The following PPP2R2B variants were observed in gnomAD, a reference collection of about 807,000 sequenced individuals.
PPP2R2B encodes the protein protein phosphatase 2 regulatory subunit Bbeta.
PPP2R2B carries 5 observed loss-of-function variants against 46.0 expected under a neutral mutation model. The observed-to-expected ratio is 0.11, with a 90% CI of 0.06 to 0.23. PPP2R2B has a LOEUF of 0.23. Among genes scored for constraint, PPP2R2B ranks in the 10% least tolerant of loss-of-function variants. The pLI is 1.00. For synonymous variants in PPP2R2B, 215 were observed against 206.7 expected (o/e 1.04, Z -0.34); for missense variants, 367 against 575.0 (o/e 0.64, Z 3.70).
chr5:146,899,769 G>T (rs4505999), intron 1 of PPP2R2B, among the ~76,000 whole-genome samples: 34,630 of 152,044 alleles, frequency 0.23, 4,074 homozygotes, highest in East Asian at 0.37. Flanking sequence ...AATTATTAAA[G>T]AAATACTTGA....
intron 1 of PPP2R2B, among the ~76,000 whole-genome samples, chr5:146,916,468 C>T (rs554269461): frequency 2.0e-5 from 3 of 152,242 alleles, no homozygotes; most frequent in African/African-American, 7.2e-5. Context: ...TGCTATTGTA[C>T]TCCTACAGCC....
At chr5:146,993,395 C>A (rs1237009224) in intron 1 of PPP2R2B, among the ~76,000 whole-genome samples, 2 of 151,606 alleles carry the variant, frequency 1.3e-5, no homozygotes, top group East Asian at 1.9e-4. Context: ...GGCTGCTCTA[C>A]CACACCTGAC....
intron 2 of PPP2R2B, among the ~76,000 whole-genome samples, chr5:146,805,685 G>A (rs1757133761): frequency 6.6e-6 from 1 of 152,112 alleles, no homozygotes; most frequent in African/African-American, 2.4e-5. Context: ...GAAAAAAATG[G>A]AGTGGTTTAA....
At chr5:146,790,053 T>C (rs1398969733) in intron 2 of PPP2R2B, among the ~76,000 whole-genome samples, 2 of 152,246 alleles carry the variant, frequency 1.3e-5, no homozygotes, top group East Asian at 3.9e-4. Context: ...CTGGGGGAAA[T>C]GTTCTCAAAC....
At chr5:146,750,445 T>A (rs1042504072) in intron 2 of PPP2R2B, among the ~76,000 whole-genome samples, 2 of 152,224 alleles carry the variant, frequency 1.3e-5, no homozygotes, top group African/African-American at 4.8e-5. Flanking sequence ...AACACTTTTT[T>A]ATTTTAGGAC....
intron 8 of PPP2R2B, among the ~76,000 whole-genome samples, 174 bp from the exon 9 acceptor site, chr5:146,593,236 G>T (rs1770836857): frequency 6.6e-6 from 1 of 152,212 alleles, no homozygotes; most frequent in South Asian, 2.1e-4. Context: ...ACATTAGGAT[G>T]GGTTGATGAG....
intron 5 of PPP2R2B, among the ~76,000 whole-genome samples, chr5:146,655,533 A>G (rs1776269894): frequency 6.6e-6 from 1 of 152,168 alleles, no homozygotes; most frequent in Non-Finnish European, 1.5e-5. Context: ...TCGCTATCCT[A>G]TGATTAACTT....
chr5:146,700,651 C>T (rs1318608307), intron 3 of PPP2R2B, among the ~76,000 whole-genome samples: 12 of 152,126 alleles, frequency 7.9e-5, no homozygotes, highest in Non-Finnish European at 7.3e-5. Context: ...CATCTGTTGG[C>T]AAATAAACTA....
chr5:146,887,062 AG>A (rs1213961627), intron 1 of PPP2R2B, among the ~76,000 whole-genome samples: 5 of 152,020 alleles, frequency 3.3e-5, no homozygotes, highest in South Asian at 2.1e-4. Context: ...TTAAAAAGTG[AG>A]GAAAAAAAGA....
At chr5:147,081,072 A>G in exon 2 of PPP2R2B, 2 of 1,535,498 alleles carry the variant, frequency 1.3e-6, no homozygotes, top group Non-Finnish European at 1.7e-6. Context: ...CTGTGGTTCC[A>G]ATCTCGATAG....
intron 2 of PPP2R2B, among the ~76,000 whole-genome samples, chr5:146,861,725 T>G (rs1362647132): frequency 6.6e-6 from 1 of 152,204 alleles, no homozygotes; most frequent in East Asian, 1.9e-4. Context: ...GTTATCAATA[T>G]ATTTTTGTTG....
chr5:146,820,621 C>T (rs756269956), intron 2 of PPP2R2B, among the ~76,000 whole-genome samples: 29 of 152,162 alleles, frequency 1.9e-4, no homozygotes, highest in Non-Finnish European at 3.5e-4. Flanking sequence ...CTTCCCATTA[C>T]TATTCCTCTA....
intron 1 of PPP2R2B, among the ~76,000 whole-genome samples, chr5:146,954,713 C>G (rs1751798492): frequency 1.3e-5 from 2 of 151,332 alleles, no homozygotes; most frequent in Admixed American, 1.3e-4. Context: ...AACACACGCA[C>G]CAGTACATAT....
At chr5:146,876,743 C>T (rs1020114361) in intron 2 of PPP2R2B, among the ~76,000 whole-genome samples, 3 of 152,184 alleles carry the variant, frequency 2.0e-5, no homozygotes, top group Admixed American at 1.3e-4. Flanking sequence ...GGGCTTGATG[C>T]TCTCCAAAAA....
At chr5:146,779,118 C>T (rs529414736) in intron 2 of PPP2R2B, among the ~76,000 whole-genome samples, 1 of 152,338 alleles carries the variant, frequency 6.6e-6, no homozygotes, top group African/African-American at 2.4e-5. Flanking sequence ...CTGGAAATGA[C>T]ATTTCAGCTC....
At chr5:146,900,318 A>G (rs922904462) in intron 1 of PPP2R2B, among the ~76,000 whole-genome samples, 4 of 152,174 alleles carry the variant, frequency 2.6e-5, no homozygotes, top group African/African-American at 9.7e-5. Context: ...TTGAACACAC[A>G]AAGACAGGCC....
intron 1 of PPP2R2B, among the ~76,000 whole-genome samples, chr5:146,895,822 A>G (rs772654990): frequency 2.6e-5 from 4 of 152,314 alleles, no homozygotes; most frequent in African/African-American, 4.8e-5. Context: ...ATAAAGAACC[A>G]CAAAGTCCAT....
intron 5 of PPP2R2B, among the ~76,000 whole-genome samples, chr5:146,669,361 T>C (rs1158762355): frequency 6.6e-6 from 1 of 152,196 alleles, no homozygotes; most frequent in African/African-American, 2.4e-5. Flanking sequence ...ACCAATGGTC[T>C]GGGTGGATCT....
At chr5:146,620,295 T>G (rs1419820549) in intron 7 of PPP2R2B, among the ~76,000 whole-genome samples, 1 of 152,178 alleles carries the variant, frequency 6.6e-6, no homozygotes, top group Non-Finnish European at 1.5e-5. Flanking sequence ...GTTCATTAAT[T>G]GTGGGTCTGT....
Sources: gnomAD v4.1 joint callset for allele counts (sites outside exome capture counted in the v4.1 genomes callset) on GRCh38, gnomAD v4.1.1 for gene constraint, MANE v1.5 for transcripts, NCBI Gene and HGNC (gene_info 2026-07-23, HGNC 2026-07-21) for gene names.